Variants in ZNF366 observed in about 807,000 individuals in gnomAD.
The protein encoded by ZNF366 is dendritic cell-specific transcript protein.
Under a neutral mutation model 47.2 loss-of-function variants are expected in ZNF366, and 20 were observed. The ratio of observed to expected loss-of-function variants is 0.42; its 90% CI spans 0.30 to 0.62. ZNF366 has a LOEUF of 0.62. ZNF366 is among the 20% of genes least tolerant of loss of function. The probability of loss-of-function intolerance (pLI) is 0.16; values close to 1 mark genes in which losing one functional copy is unlikely to be tolerated. For missense variants in ZNF366, 987 were observed against 976.3 expected, an observed-to-expected ratio of 1.01 and a Z score of -0.15; for synonymous variants, 421 against 395.1, an observed-to-expected ratio of 1.07 and a Z score of -0.78.
At chr5:72,467,887 T>G (rs975103281) in intron 1 of ZNF366, among the ~76,000 whole-genome samples, 2 of 151,708 alleles carry the variant, frequency 1.3e-5, no homozygotes, top group Non-Finnish European at 2.9e-5. Context: ...TCAAGGAAAA[T>G]AGTGAGAATA....
intron 2 of ZNF366, among the ~76,000 whole-genome samples, chr5:72,457,716 T>C (rs548618746): frequency 2.0e-5 from 3 of 152,162 alleles, no homozygotes; most frequent in East Asian, 3.8e-4. Context: ...AAACCTTAGA[T>C]GAGTCGTGTG....
intron 3 of ZNF366, among the ~76,000 whole-genome samples, chr5:72,448,116 A>G (rs1208161571): frequency 6.6e-6 from 1 of 152,244 alleles, no homozygotes. Context: ...TATACAATGT[A>G]TCAGACAATG....
chr5:72,477,249 T>G (rs1743693617), intron 1 of ZNF366, among the ~76,000 whole-genome samples: 1 of 152,246 alleles, frequency 6.6e-6, no homozygotes, highest in Non-Finnish European at 1.5e-5. Context: ...GACATTTAAT[T>G]TTAACAAAAT....
At chr5:72,456,637 A>C (rs951714995) in intron 2 of ZNF366, 42 bp from the exon 3 acceptor site, 2 of 1,536,336 alleles carry the variant, frequency 1.3e-6, no homozygotes, top group African/African-American at 2.7e-5. Flanking sequence ...ATTGACAGGT[A>C]ACATGCTTTC....
intron 1 of ZNF366, among the ~76,000 whole-genome samples, chr5:72,503,562 C>G (rs569377752): frequency 7.9e-5 from 12 of 151,898 alleles, no homozygotes; most frequent in Admixed American, 5.9e-4. Flanking sequence ...CACACGCACA[C>G]CTCGAAAATT....
intron 1 of ZNF366, among the ~76,000 whole-genome samples, chr5:72,481,731 TAATAAG>T (rs905669317): frequency 3.3e-4 from 51 of 152,318 alleles, no homozygotes; most frequent in African/African-American, 1.2e-3. Flanking sequence ...CCCAACATTA[TAATAAG>T]AATAAGAAAC....
At chr5:72,447,167 T>A in intron 4 of ZNF366, 76 bp downstream of exon 4, 1 of 1,530,792 alleles carries the variant, frequency 6.5e-7, no homozygotes, top group Admixed American at 1.7e-5. Flanking sequence ...CTCAAGGTAA[T>A]GCCCCATAAA....
rs182164402 is a variant in ZNF366, at chr5:72,496,293, G to A, written c.-15+10958C>T. Reference sequence around the variant, plus strand: ...GCAGCCGATCTTGCTCCCACCCCTGGCCCCAGGAAACCACCAATCTATTTT... The same window carrying A: ...GCAGCCGATCTTGCTCCCACCCCTGACCCCAGGAAACCACCAATCTATTTT... On this transcript the variant is annotated intron_variant, in intron 1 of 4. Transcript: ENST00000318442. Among the ~76,000 whole-genome samples the A allele has an allele frequency of 2.8e-3, 427 of 152,056 alleles. 1 individual carries two copies. Among genetic ancestry groups the A allele is most frequent in the Non-Finnish European group, 4.2e-3 (287 of 67,990 alleles).
At chr5:72,494,579 T>C (rs1049244823) in intron 1 of ZNF366, among the ~76,000 whole-genome samples, 1 of 151,886 alleles carries the variant, frequency 6.6e-6, no homozygotes, top group African/African-American at 2.4e-5. Flanking sequence ...ACAGGGGAAA[T>C]TCAGCTCCTT....
rs373910216 is a variant in ZNF366 at position 72,461,289 on chromosome 5, C to A, written c.208G>T (p.Val70Phe). Residue 70 changes from valine to phenylalanine, a missense_variant, in exon 2 of 5, where the codon GTC becomes TTC. Coordinates refer to ENST00000318442, the MANE Select transcript of ZNF366 (RefSeq NM_152625.3). ...PPGDLDGFPG[V>F]FEGAGSRKRK... Reference sequence around the variant, plus strand: ...TTCCTAGACCCTGCTCCTTCGAAGACCCCGGGGAACCCATCTAGGTCTCCT... The same window carrying A: ...TTCCTAGACCCTGCTCCTTCGAAGAACCCGGGGAACCCATCTAGGTCTCCT... 6.2e-7 allele frequency: 1 copy of A among 1,613,982 alleles called. No individual in the cohort carries two copies. Among genetic ancestry groups the A allele is most frequent in the African/African-American group, 1.3e-5 (1 of 74,894 alleles).
Position 72,460,875 on chromosome 5 carries a change from G to A in ZNF366, c.622C>T (p.Pro208Ser), listed in dbSNP as rs746263039. 20 of 1,613,736 alleles carry A rather than the reference G, an allele frequency of 1.2e-5. No homozygotes were observed. The highest frequency in any genetic ancestry group is 1.7e-5 in the Admixed American group (1 of 60,002). The change falls in exon 2 of 5, where the codon CCC (proline) becomes TCC (serine). Residue 208 changes from proline (P) to serine (S), a missense_variant. By Grantham distance (74) the Pro-to-Ser change is moderately conservative. Transcript: ENST00000318442. Reference sequence around the variant, plus strand: ...TTCCGGGGCAGCAGAGGTTCCGGGGGCTGCTTGGGCAGGAAGGTGTGCCGG... The same window carrying A: ...TTCCGGGGCAGCAGAGGTTCCGGGGACTGCTTGGGCAGGAAGGTGTGCCGG... ...FSRHTFLPKQ[P>S]PEPLLPRKAE... is the part of the protein sequence containing the mutation.
At position 72,444,609 on chromosome 5, in the gene ZNF366, A is replaced by ATTT. The variant is rs34574712; in HGVS notation, c.1700-321_1700-319dup. 5.7e-3 allele frequency among the ~76,000 whole-genome samples: 862 copies of ATTT among 150,622 alleles called. 7 individuals are homozygous for ATTT. Among genetic ancestry groups the ATTT allele is most frequent in the Middle Eastern group, 0.021 (6 of 288 alleles). On this transcript the variant is annotated intron_variant, in intron 4 of 4. Transcript: ENST00000318442. ...ACACTGTGTGGATGCATATCACCAT[A>ATTT]TTTTTTTTTTATCACAGTCAAACAA...
At chr5:72,448,310 T>C (rs1742999539) in intron 3 of ZNF366, among the ~76,000 whole-genome samples, 1 of 152,204 alleles carries the variant, frequency 6.6e-6, no homozygotes, top group Non-Finnish European at 1.5e-5. Flanking sequence ...TCATTCTCTC[T>C]ATTTCAATCA....
intron 3 of ZNF366, among the ~76,000 whole-genome samples, chr5:72,452,890 A>G (rs967458282): frequency 5.3e-5 from 8 of 152,208 alleles, no homozygotes; most frequent in Non-Finnish European, 1.2e-4. Flanking sequence ...GAATCTGGGA[A>G]GCATATTTCT....
Position 72,443,839 on chromosome 5 carries a change from A to G in ZNF366, c.2152T>C (p.Leu718=). ...CTCTCATCTCTGTGCTTGAAGTATA[A>G]GTAATCAGAAAAAGAGGGGCCCCGC... The part of the protein sequence containing the change: ...TRRGPSFSDY[L]YFKHRDESLK... Residue 718 remains leucine (L), a synonymous_variant, in exon 5 of 5, where the codon TTA becomes CTA. Transcript: ENST00000318442. 1 of 1,614,204 alleles carries G rather than the reference A, an allele frequency of 6.2e-7. No homozygotes were observed. The highest frequency in any genetic ancestry group is 8.5e-7 in the Non-Finnish European group (1 of 1,180,044).
intron 4 of ZNF366, 107 bp downstream of exon 4, chr5:72,447,136 G>C (rs1382475274): frequency 1.6e-6 from 2 of 1,252,668 alleles, no homozygotes; most frequent in Non-Finnish European, 2.2e-6. Context: ...CTACTCTGCT[G>C]TGGTCTTGAC....
intron 1 of ZNF366, among the ~76,000 whole-genome samples, chr5:72,476,373 T>G (rs891039346): frequency 6.6e-6 from 1 of 152,120 alleles, no homozygotes; most frequent in Non-Finnish European, 1.5e-5. Flanking sequence ...CTCATGGCCA[T>G]CCTAGGCTGA....
intron 3 of ZNF366, 36 bp from the exon 4 acceptor site, chr5:72,447,453 G>C (rs1742982707): frequency 6.2e-7 from 1 of 1,609,298 alleles, no homozygotes; most frequent in African/African-American, 1.3e-5. Flanking sequence ...AGGTTACTCT[G>C]CCCGAGTGAA....
chr5:72,462,273 T>C (rs1743330609), intron 1 of ZNF366, among the ~76,000 whole-genome samples: 1 of 152,214 alleles, frequency 6.6e-6, no homozygotes, highest in African/African-American at 2.4e-5. Context: ...CTCTTAAACC[T>C]GAAGCAAGCT....
Sources: gnomAD v4.1 joint callset for allele counts (sites outside exome capture counted in the v4.1 genomes callset) on GRCh38, gnomAD v4.1.1 for gene constraint, MANE v1.5 for transcripts, NCBI Gene and HGNC (gene_info 2026-07-23, HGNC 2026-07-21) for gene names.